Variants in FGF13 observed in about 807,000 individuals in gnomAD.
FGF13 encodes the protein fibroblast growth factor 13.
A neutral mutation model predicts 19.5 loss-of-function variants in FGF13; 2 were observed. The ratio of observed to expected loss-of-function variants is 0.10; its 90% CI spans 0.04 to 0.32. The LOEUF (loss-of-function observed/expected upper bound fraction) is 0.32, where lower values mean the gene tolerates loss of function less well. FGF13 is among the 10% of genes least tolerant of loss of function. The probability of loss-of-function intolerance (pLI) is 1.00; values close to 1 mark genes in which losing one functional copy is unlikely to be tolerated. For synonymous variants in FGF13, 72 were observed against 76.9 expected (o/e 0.94, Z 0.33); for missense variants, 113 against 192.7 (o/e 0.59, Z 2.45).
chrX:138,968,370 T>A (rs191694201), intron 1 of FGF13, among the ~76,000 whole-genome samples: 25 of 112,389 alleles, frequency 2.2e-4, no homozygotes, highest in African/African-American at 6.8e-4. Context: ...AAACTAGTTA[T>A]ACCTTTTCCA....
In FGF13 at chrX:138,737,293, A is replaced by G. The variant is rs182809922; in HGVS notation, c.28+1949T>C. 7.8e-3 allele frequency among the ~76,000 whole-genome samples: 872 copies of G among 111,627 alleles called. 2 individuals are homozygous for G. Among genetic ancestry groups the G allele is most frequent in the Non-Finnish European group, 0.013 (698 of 53,081 alleles). ...TTCCCGTATGAAGGCTAAGAGATAA[A>G]CCATGTGACCTTTCTTGCGACTCGC... On this transcript the variant is annotated intron_variant, in intron 1 of 4. Coordinates refer to the FGF13 transcript ENST00000305414.
chrX:138,762,577 AAGCAT>A (rs1260606725), intron 3 of FGF13, among the ~76,000 whole-genome samples: 2 of 111,591 alleles, frequency 1.8e-5, no homozygotes, highest in Admixed American at 9.6e-5. Flanking sequence ...TATGAGGAGG[AAGCAT>A]AGTGTTAGAG....
chrX:139,148,246 T>C (rs1293065126), intron 1 of FGF13, among the ~76,000 whole-genome samples: 2 of 111,476 alleles, frequency 1.8e-5, no homozygotes, highest in Non-Finnish European at 3.8e-5. Context: ...CTCCCGTGAC[T>C]GCTCTGCCTT....
chrX:138,626,685 T>C lies in FGF13; in HGVS notation c.*6165A>G, dbSNP rs1233759638. 1 of 111,310 alleles carries C rather than the reference T, an allele frequency of 9.0e-6. No individual in the cohort carries two copies. The highest frequency in any genetic ancestry group is 3.3e-5 in the African/African-American group (1 of 30,564). 9.2% of individuals were successfully genotyped at this position (111,310 alleles called of 1,213,427 possible). On this transcript the variant is annotated 3_prime_UTR_variant, in exon 5 of 5. Transcript: ENST00000315930. ...CAAAACTTCCCTAAGAACAGCAACA[T>C]GACTTGTTTATTTAGTGTCCTGCTA...
In FGF13 at chrX:139,158,133, G is replaced by A. The variant is rs182971296; in HGVS notation, c.-113+45283C>T. 2.7e-5 allele frequency among the ~76,000 whole-genome samples: 3 copies of A among 111,328 alleles called. No homozygotes were observed. In the East Asian group the frequency reaches 8.6e-4, roughly 32 times the overall value. On this transcript the variant is annotated intron_variant, in intron 1 of 2. Coordinates refer to the FGF13 transcript ENST00000421460. ...CCCACAGACTAGCAGATTCTCTCAGGTGCCAACACCACCAGGGCCCTGGGT... is the reference window on the plus strand; with the variant it reads ...CCCACAGACTAGCAGATTCTCTCAGATGCCAACACCACCAGGGCCCTGGGT...
At position 138,782,324 on chromosome X, in the gene FGF13, G is replaced by A. The variant is rs775240276; in HGVS notation, c.218-73396C>T. 2.7e-5 allele frequency among the ~76,000 whole-genome samples: 3 copies of A among 112,013 alleles called. No individual in the cohort carries two copies. In the South Asian group the frequency reaches 1.1e-3, roughly 42 times the overall value. On this transcript the variant is annotated intron_variant, in intron 3 of 6. Transcript: ENST00000436198. Reference sequence around the variant, plus strand: ...TTCTGGCCAGGGCAATTAGGCAGGAGAAGGAAATAAAGGGTATTCAATTAG... The same window carrying A: ...TTCTGGCCAGGGCAATTAGGCAGGAAAAGGAAATAAAGGGTATTCAATTAG...
chrX:138,747,592 T>C (rs969221923), intron 3 of FGF13, among the ~76,000 whole-genome samples: 2 of 112,052 alleles, frequency 1.8e-5, no homozygotes, highest in African/African-American at 6.5e-5. Flanking sequence ...CTAAGGTCCC[T>C]TAATAATAGC....
chrX:138,875,925 G>A (rs1476369635), intron 1 of FGF13, among the ~76,000 whole-genome samples: 1 of 110,185 alleles, frequency 9.1e-6, no homozygotes, highest in Non-Finnish European at 1.9e-5. Flanking sequence ...GACTAACCTT[G>A]CAGATCTTGG....
chrX:139,002,342 TA>T (rs1365859917), intron 1 of FGF13, among the ~76,000 whole-genome samples: 1 of 111,168 alleles, frequency 9.0e-6, no homozygotes, highest in Non-Finnish European at 1.9e-5. Flanking sequence ...AGTATAATTT[TA>T]AAAAAAAGAT....
At chrX:138,771,977 A>C (rs1232363040) in intron 3 of FGF13, among the ~76,000 whole-genome samples, 6 of 101,274 alleles carry the variant, frequency 5.9e-5, no homozygotes, top group African/African-American at 1.8e-4. Context: ...AAATATTTAT[A>C]TACAAGGATT....
chrX:138,627,606 TGTGTGTGTGTGTGTGTGTGTGCGC>T lies in FGF13; in HGVS notation c.*5220_*5243del, dbSNP rs1249574165. On this transcript the variant is annotated 3_prime_UTR_variant, in exon 5 of 5. Transcript: ENST00000315930. The stretch of plus-strand genomic sequence containing the variant: ...TCTAGTGTGTGTGTGCCTGTGTGTG[TGTGTGTGTGTGTGTGTGTGTGCGC>T]GTGTGTGTGTGTGTGTGTGTGAAGT... 4.4e-5 allele frequency: 4 copies of T among 91,769 alleles called. No individual in the cohort carries two copies. Among genetic ancestry groups the T allele is most frequent in the Non-Finnish European group, 6.3e-5 (3 of 47,295 alleles). 7.6% of individuals were successfully genotyped at this position (91,769 alleles called of 1,213,427 possible).
intron 1 of FGF13, among the ~76,000 whole-genome samples, chrX:139,014,355 C>T (rs1013779088): frequency 9.0e-6 from 1 of 110,948 alleles, no homozygotes; most frequent in Non-Finnish European, 1.9e-5. Context: ...AACTGACAAA[C>T]CTTTAGCCAG....
chrX:138,894,009 A>C (rs933708657), intron 1 of FGF13, among the ~76,000 whole-genome samples: 1 of 111,779 alleles, frequency 8.9e-6, no homozygotes, highest in Non-Finnish European at 1.9e-5. Context: ...CAAACTCCAA[A>C]AAGTTCTACA....
chrX:138,648,220 C>T (rs1240075061), intron 3 of FGF13, among the ~76,000 whole-genome samples: 1 of 111,996 alleles, frequency 8.9e-6, no homozygotes, highest in Non-Finnish European at 1.9e-5. Context: ...GTGAACAGAA[C>T]CGTAACACTC....
intron 3 of FGF13, among the ~76,000 whole-genome samples, chrX:138,787,746 T>C (rs769052893): frequency 9.2e-6 from 1 of 109,011 alleles, no homozygotes; most frequent in Admixed American, 9.9e-5. Context: ...TGTGTGTTGT[T>C]CCCCTCCCTG....
chrX:138,633,089 T>C (rs1441924426), intron 4 of FGF13, 103 bp from the exon 5 acceptor site: 4 of 862,303 alleles, frequency 4.6e-6, no homozygotes, highest in Non-Finnish European at 6.4e-6. Flanking sequence ...CACACCTAAA[T>C]GATAAGTATG....
At chrX:138,992,106 AC>A (rs1273899942) in intron 1 of FGF13, among the ~76,000 whole-genome samples, 2 of 34,205 alleles carry the variant, frequency 5.8e-5, no homozygotes, top group African/African-American at 1.4e-4. Flanking sequence ...ACATATATAT[AC>A]ATGTGTGTGT....
chrX:138,889,895 A>T (rs904236753), intron 1 of FGF13, among the ~76,000 whole-genome samples: 1 of 109,649 alleles, frequency 9.1e-6, no homozygotes, highest in Admixed American at 9.7e-5. Flanking sequence ...TCATTTTAAC[A>T]TGAGAGGAAT....
chrX:138,746,491 G>A (rs904745131), intron 3 of FGF13, among the ~76,000 whole-genome samples: 29 of 111,600 alleles, frequency 2.6e-4, no homozygotes, highest in African/African-American at 8.8e-4. Flanking sequence ...GGGGCAGAAA[G>A]AGACTATTTC....
Sources: allele counts gnomAD v4.1 joint callset (sites outside exome capture counted in the v4.1 genomes callset), GRCh38; gene constraint gnomAD v4.1.1; transcripts MANE v1.5; gene names NCBI Gene and HGNC (gene_info 2026-07-23, HGNC 2026-07-21).